Variants in LCK observed in about 807,000 individuals in gnomAD.
LCK encodes the protein tyrosine-protein kinase Lck.
In LCK, 14 loss-of-function variants were observed where a neutral mutation model predicts 64.6. The ratio of observed to expected loss-of-function variants is 0.22; its 90% CI spans 0.14 to 0.34. The LOEUF (loss-of-function observed/expected upper bound fraction) is 0.34. Ranked by LOEUF, LCK falls within the 10% of genes least tolerant of loss-of-function variation. LCK has a pLI of 1.00. For synonymous variants in LCK, 277 were observed against 263.6 expected (o/e 1.05, Z -0.49); for missense variants, 434 against 668.1 (o/e 0.65, Z 3.86).
chr1:32,262,173 G>A (rs1203166152), intron 1 of LCK, among the ~76,000 whole-genome samples: 1 of 141,300 alleles, frequency 7.1e-6, no homozygotes, highest in African/African-American at 2.6e-5. Flanking sequence ...TGTGAGCCAC[G>A]GCCCCCGGTA....
chr1:32,272,663 G>A (rs1041962059), intron 1 of LCK, among the ~76,000 whole-genome samples: 4 of 151,678 alleles, frequency 2.6e-5, no homozygotes, highest in East Asian at 1.9e-4. Context: ...GAGAGCGCAC[G>A]CATTTCAAAG....
In LCK at chr1:32,275,672, G is replaced by T; in HGVS notation, c.481G>T (p.Gly161Ter). 6.4e-7 allele frequency: 1 copy of T among 1,560,024 alleles called. No homozygotes were observed. The highest frequency in any genetic ancestry group is 8.7e-7 in the Non-Finnish European group (1 of 1,153,954). The change falls in exon 6 of 13, where the codon GGA becomes TGA. Residue 161 changes from glycine to a stop codon, truncating the protein, a stop_gained and splice_region_variant. Transcript: ENST00000336890. LOFTEE classifies it high-confidence loss of function. The surrounding 1 kb of genome is among the most constrained non-coding windows in gnomAD (Gnocchi z 6.9). The part of the protein sequence containing the change: ...FLIRESESTA[G>*]SFSLSVRDFD... ...CATCCGGGAGAGCGAGAGCACCGCG[G>T]GTGAGCGGGCGGCGGTCTCGACCGG...
chr1:32,260,176 T>C (rs751923531), intron 1 of LCK, among the ~76,000 whole-genome samples: 3 of 152,112 alleles, frequency 2.0e-5, no homozygotes, highest in Non-Finnish European at 4.4e-5. Flanking sequence ...CACGTTCAGC[T>C]AATTTTTTGT....
In LCK at chr1:32,275,955, G is replaced by C; in HGVS notation, c.523G>C (p.Gly175Arg). The stretch of plus-strand genomic sequence containing the variant: ...GGTCCGGGACTTCGACCAGAACCAG[G>C]GAGAGGTGGTGAAACATTACAAGAT... ...LSVRDFDQNQ[G>R]EVVKHYKIRN... The change falls in exon 7 of 13, where the codon GGA becomes CGA. Residue 175 changes from glycine (G) to arginine (R), a missense_variant. Physicochemically the swap from Gly to Arg is moderately radical, Grantham distance 125. Around this residue, in one of 2 missense-constraint regions of LCK, gnomAD observed 233 missense variants for 291.2 expected, o/e 0.80. Transcript: ENST00000336890. This position sits in a 1 kb window ranked among gnomAD's most constrained non-coding sequence, Gnocchi z 6.9. 6.2e-7 allele frequency: 1 copy of C among 1,614,178 alleles called. No individual in the cohort carries two copies. Among genetic ancestry groups the C allele is most frequent in the Non-Finnish European group, 8.5e-7 (1 of 1,180,010 alleles).
intron 1 of LCK, among the ~76,000 whole-genome samples, chr1:32,259,023 C>CA (rs980173335): frequency 2.3e-3 from 266 of 116,890 alleles, no homozygotes; most frequent in Admixed American, 5.5e-3. Context: ...GATACCATCT[C>CA]AAAAAAAAAA....
At chr1:32,263,402 AAAATAAATAAAT>A (rs148681600) in intron 1 of LCK, among the ~76,000 whole-genome samples, 195 of 141,098 alleles carry the variant, frequency 1.4e-3, no homozygotes, top group South Asian at 5.1e-3. Context: ...CAAAATAAAT[AAAATAAATAAAT>A]AAATAAATAA....
intron 3 of LCK, 84 bp downstream of exon 3, chr1:32,274,902 C>G: frequency 1.2e-6 from 2 of 1,613,926 alleles, no homozygotes; most frequent in South Asian, 2.2e-5. Context: ...CTACTTTCTC[C>G]CCGGTCTTGC....
chr1:32,279,516 G>T (rs1416813954), intron 9 of LCK, 155 bp from the exon 10 acceptor site: 4 of 1,457,778 alleles, frequency 2.7e-6, no homozygotes, highest in Middle Eastern at 4.0e-4. Flanking sequence ...ACATATCCTG[G>T]GCATCCTTAC....
rs1569971834 is a variant in LCK at position 32,281,274 on chromosome 1, A to G, written c.1327+1064A>G. On this transcript the variant is annotated intron_variant, in intron 12 of 12. Coordinates refer to ENST00000336890, the MANE Select transcript of LCK (RefSeq NM_005356.5). ...AAAAGAGAGACTCCATCTCTACAAA[A>G]AAAAAAAAACAAACAAACAAAAAAA... 2.0e-5 allele frequency among the ~76,000 whole-genome samples: 3 copies of G among 151,098 alleles called. No homozygotes were observed. The East Asian group carries it at 5.8e-4, about 29-fold the overall frequency.
rs1640603625 is a variant in LCK at position 32,285,942 on chromosome 1, CTG to C, written c.*228_*229del. On this transcript the variant is annotated 3_prime_UTR_variant, in exon 13 of 13. Coordinates refer to ENST00000336890, the MANE Select transcript of LCK (RefSeq NM_005356.5). The stretch of plus-strand genomic sequence containing the variant: ...AGCCTGTGCATGTATGTCTTGGACA[CTG>C]TACAAGGTACCCCTTTCTGGCTCTC... 3 of 582,654 alleles carry C rather than the reference CTG, an allele frequency of 5.1e-6. No individual in the cohort carries two copies. In the East Asian group the frequency reaches 8.5e-5, roughly 17 times the overall value. The allele number at this position is 582,654 out of a possible 1,614,324, so 36.1% of individuals were successfully genotyped here. A position where few individuals can be genotyped will look rare whatever the true frequency, so the allele number is the denominator to read the frequency against.
intron 2 of LCK, 31 bp downstream of exon 2, chr1:32,274,465 G>A: frequency 6.4e-7 from 1 of 1,559,788 alleles, no homozygotes; most frequent in South Asian, 1.2e-5. Flanking sequence ...CTTGGTGAGG[G>A]AGTTGGGTAG....
chr1:32,263,273 T>C (rs1489333202), intron 1 of LCK, among the ~76,000 whole-genome samples: 1 of 151,848 alleles, frequency 6.6e-6, no homozygotes, highest in Non-Finnish European at 1.5e-5. Flanking sequence ...ATGCCTGTAA[T>C]CTCAGCTACT....
chr1:32,267,261 G>A (rs1301298771), intron 1 of LCK, among the ~76,000 whole-genome samples: 25 of 152,164 alleles, frequency 1.6e-4, no homozygotes, highest in Admixed American at 1.6e-3. Flanking sequence ...ACTCCTAACA[G>A]TAGGGGAAAG....
chr1:32,263,150 G>C (rs1639823670), intron 1 of LCK, among the ~76,000 whole-genome samples: 4 of 152,104 alleles, frequency 2.6e-5, no homozygotes, highest in African/African-American at 9.7e-5. Context: ...CCAGCACTTT[G>C]GGAAGCGGAG....
chr1:32,277,112 A>C (rs1397757637), intron 9 of LCK: 1 of 162,864 alleles, frequency 6.1e-6, no homozygotes, highest in African/African-American at 2.4e-5. Flanking sequence ...CAGAAGACTG[A>C]GGCAGGAGAA....
At position 32,275,989 on chromosome 1, in the gene LCK, T is replaced by C; in HGVS notation, c.557T>C (p.Leu186Pro). 1.2e-6 allele frequency: 2 copies of C among 1,614,168 alleles called. No individual in the cohort carries two copies. The highest frequency in any genetic ancestry group is 2.2e-5 in the East Asian group (1 of 44,886). ...GTGAAACATTACAAGATCCGTAATCTGGACAACGGTGGCTTCTACATCTCC... is the reference window on the plus strand; with the variant it reads ...GTGAAACATTACAAGATCCGTAATCCGGACAACGGTGGCTTCTACATCTCC... ...EVVKHYKIRN[L>P]DNGGFYISPR... Residue 186 changes from leucine to proline, a missense_variant, in exon 7 of 13, where the codon CTG becomes CCG. Coordinates refer to ENST00000336890, the MANE Select transcript of LCK (RefSeq NM_005356.5). The surrounding 1 kb of genome is among the most constrained non-coding windows in gnomAD (Gnocchi z 6.9).
intron 12 of LCK, among the ~76,000 whole-genome samples, chr1:32,281,201 A>G (rs946617576): frequency 2.8e-4 from 42 of 151,200 alleles, no homozygotes; most frequent in African/African-American, 8.5e-4. Flanking sequence ...ACCATGCCAT[A>G]ACACTCCAGC....
intron 1 of LCK, among the ~76,000 whole-genome samples, chr1:32,267,979 G>A (rs904196911): frequency 4.6e-5 from 7 of 152,098 alleles, no homozygotes; most frequent in Non-Finnish European, 8.8e-5. Context: ...AGGATCACAA[G>A]GTGAGGAGAT....
At chr1:32,271,485 C>G (rs535973989) in intron 1 of LCK, among the ~76,000 whole-genome samples, 2 of 151,974 alleles carry the variant, frequency 1.3e-5, no homozygotes, top group African/African-American at 4.8e-5. Context: ...GAGACCAGTC[C>G]GGGCAACATA....
Sources: allele counts gnomAD v4.1 joint callset (sites outside exome capture counted in the v4.1 genomes callset), GRCh38; gene constraint gnomAD v4.1.1; regional missense constraint gnomAD v4.1.1; non-coding constraint Gnocchi (gnomAD v3.1); transcripts MANE v1.5; gene names NCBI Gene and HGNC (gene_info 2026-07-23, HGNC 2026-07-21).